EMP3: variants seen among roughly 807,000 people sequenced by gnomAD.
EMP3 encodes the protein epithelial membrane protein 3 (MAM blood group).
In EMP3, 15 loss-of-function variants were observed where a neutral mutation model predicts 21.6. The observed-to-expected ratio is 0.69, with a 90% confidence interval of 0.46 to 1.07. EMP3 has a LOEUF of 1.07. EMP3 is among the 50% of genes least tolerant of loss of function. The pLI is 0.00. For synonymous variants in EMP3, 107 were observed against 86.1 expected, an observed-to-expected ratio of 1.24 and a Z score of -1.34; for missense variants, 183 against 206.6, an observed-to-expected ratio of 0.89 and a Z score of 0.70.
rs1172724056 is a variant in EMP3 at position 48,329,498 on chromosome 19, C to G, written c.322+6C>G. The G allele has an allele frequency of 6.2e-7, 1 of 1,614,022 alleles. No individual in the cohort carries two copies. ...CCTCTGCCAGCTTTGCACCAGTGAG[C>G]ACTGCCCCTCCCCAACCCTAATCCC... On this transcript the variant is annotated splice_donor_region_variant and intron_variant, in intron 4 of 4. Coordinates refer to ENST00000270221, the MANE Select transcript of EMP3 (RefSeq NM_001425.3). This position sits in a 1 kb window ranked among gnomAD's most constrained non-coding sequence, Gnocchi z 4.5.
chr19:48,328,430 A>AAAAAAAAAT, intron 3 of EMP3, among the ~76,000 whole-genome samples: 1 of 151,486 alleles, frequency 6.6e-6, no homozygotes, highest in Non-Finnish European at 1.5e-5. Context: ...AAAAAAAAAA[A>AAAAAAAAAT]AAGAATAGAG....
chr19:48,329,994 C>T lies in EMP3; in HGVS notation c.323-307C>T, dbSNP rs1969180527. 6.6e-6 allele frequency among the ~76,000 whole-genome samples: 1 copy of T among 152,158 alleles called. No individual in the cohort carries two copies. On this transcript the variant is annotated intron_variant, in intron 4 of 4. Transcript: ENST00000270221. This position sits in a 1 kb window ranked among gnomAD's most constrained non-coding sequence, Gnocchi z 4.5. The stretch of plus-strand genomic sequence containing the variant: ...ACTTAATCACAGTCAGTTTGGGGAA[C>T]ATTATAGGTTCTTGCAAAGCTTCTC...
chr19:48,330,219 G>C (rs993147019), intron 4 of EMP3, 82 bp from the exon 5 acceptor site: 18 of 1,461,102 alleles, frequency 1.2e-5, no homozygotes, highest in Middle Eastern at 1.8e-4. Context: ...CGGGCCCTCC[G>C]GCGCTTCTTT....
Position 48,329,123 on chromosome 19 carries a change from G to A in EMP3, c.182-229G>A. ...GGCAACAGAGCAAGACCTGGTTTCA[G>A]AAAAAAAAGAAAAAGGAAATTGGCA... On this transcript the variant is annotated intron_variant, in intron 3 of 4. Transcript: ENST00000270221. This position sits in a 1 kb window ranked among gnomAD's most constrained non-coding sequence, Gnocchi z 4.5. 1.9e-6 allele frequency: 1 copy of A among 536,974 alleles called. No individual in the cohort carries two copies. 33.3% of individuals were successfully genotyped at this position (536,974 alleles called of 1,614,324 possible). A position where few individuals can be genotyped will look rare whatever the true frequency, so the allele number is the denominator to read the frequency against.
Position 48,330,281 on chromosome 19 carries a change from G to A in EMP3, c.323-20G>A, listed in dbSNP as rs755489195. On this transcript the variant is annotated intron_variant, in intron 4 of 4. Transcript: ENST00000270221. ...GTCTTGAGGGGGCACTGCATGACGT[G>A]TGGTTTTCATCTTCCGCAGGCGTGG... 45 of 1,566,418 alleles carry A rather than the reference G, an allele frequency of 2.9e-5. No individual in the cohort carries two copies. The Admixed American group carries it at 5.7e-4, about 20-fold the overall frequency.
At position 48,329,406 on chromosome 19, in the gene EMP3, T is replaced by G; in HGVS notation, c.236T>G (p.Leu79Arg). The G allele has an allele frequency of 6.2e-7, 1 of 1,613,922 alleles. No homozygotes were observed. The highest frequency in any genetic ancestry group is 8.5e-7 in the Non-Finnish European group (1 of 1,179,978). The part of the protein sequence containing the change: ...LMVLSLILCC[L>R]SFILFMFQLY... ...GTGCTCTCCCTCATTCTCTGCTGTC[T>G]CTCCTTCATCCTGTTCATGTTCCAG... Residue 79 changes from leucine to arginine, a missense_variant, in exon 4 of 5, where the codon CTC (leucine) becomes CGC (arginine). Leu to Arg is a moderately radical substitution (Grantham distance 102). Coordinates refer to ENST00000270221, the MANE Select transcript of EMP3 (RefSeq NM_001425.3). The surrounding 1 kb of genome is among the most constrained non-coding windows in gnomAD (Gnocchi z 4.5).
At position 48,326,744 on chromosome 19, in the gene EMP3, C is replaced by T; in HGVS notation, c.-15-86C>T. ...ACCTCAGGTGATCCTCCCGCCTCGG[C>T]CTCCCAAAGTGCTGGGGTTATAGGC... is the stretch of plus-strand genomic sequence containing the variant. On this transcript the variant is annotated intron_variant, in intron 1 of 4. Coordinates refer to ENST00000270221, the MANE Select transcript of EMP3 (RefSeq NM_001425.3). 2.7e-6 allele frequency: 3 copies of T among 1,120,762 alleles called. No individual in the cohort carries two copies. In the South Asian group the frequency reaches 3.7e-5, roughly 14 times the overall value. 69.4% of individuals were successfully genotyped at this position (1,120,762 alleles called of 1,614,324 possible). A position where few individuals can be genotyped will look rare whatever the true frequency, so the allele number is the denominator to read the frequency against.
intron 3 of EMP3, among the ~76,000 whole-genome samples, chr19:48,328,889 AGGAGGAAGG>A (rs1035015957): frequency 9.2e-5 from 14 of 152,310 alleles, no homozygotes; most frequent in African/African-American, 3.4e-4. Context: ...TGGGAGGCTG[AGGAGGAAGG>A]ATCACTTAAG....
intron 4 of EMP3, 85 bp from the exon 5 acceptor site, chr19:48,330,216 T>C (rs959950179): frequency 4.1e-6 from 6 of 1,462,058 alleles, no homozygotes; most frequent in Admixed American, 5.2e-5. Flanking sequence ...CCACGGGCCC[T>C]CCGGCGCTTC....
In EMP3 at chr19:48,329,412, T is replaced by C; in HGVS notation, c.242T>C (p.Phe81Ser). The change falls in exon 4 of 5, where the codon TTC (phenylalanine) becomes TCC (serine). Residue 81 changes from phenylalanine to serine, a missense_variant. Transcript: ENST00000270221. This position sits in a 1 kb window ranked among gnomAD's most constrained non-coding sequence, Gnocchi z 4.5. ...VLSLILCCLSFILFMFQLYTM... is the reference protein window; with the variant it reads ...VLSLILCCLSSILFMFQLYTM... ...TCCCTCATTCTCTGCTGTCTCTCCT[T>C]CATCCTGTTCATGTTCCAGCTCTAC... The C allele has an allele frequency of 6.2e-7, 1 of 1,612,344 alleles. No individual in the cohort carries two copies. Among genetic ancestry groups the C allele is most frequent in the Admixed American group, 1.7e-5 (1 of 59,880 alleles).
In EMP3 at chr19:48,329,733, C is replaced by CA. The variant is rs1969177956; in HGVS notation, c.322+242dup. Among the ~76,000 whole-genome samples, 1 of 152,244 alleles carries CA rather than the reference C, an allele frequency of 6.6e-6. No individual in the cohort carries two copies. The highest frequency in any genetic ancestry group is 1.9e-4 in the East Asian group (1 of 5,186). On this transcript the variant is annotated intron_variant, in intron 4 of 4. Coordinates refer to ENST00000270221, the MANE Select transcript of EMP3 (RefSeq NM_001425.3). This position sits in a 1 kb window ranked among gnomAD's most constrained non-coding sequence, Gnocchi z 4.5. The stretch of plus-strand genomic sequence containing the variant: ...TGTGCGTATGAGTCATCAGGGAACT[C>CA]AGAGTTTCAGGGAGCCGGGGCTGGG...
chr19:48,328,725 A>G (rs1251930310), intron 3 of EMP3, among the ~76,000 whole-genome samples: 1 of 152,250 alleles, frequency 6.6e-6, no homozygotes, highest in Non-Finnish European at 1.5e-5. Flanking sequence ...GGAGTAGCCA[A>G]TGCAAGAAGG....
At position 48,330,351 on chromosome 19, in the gene EMP3, A is replaced by G. The variant is rs4893; in HGVS notation, c.373A>G (p.Ile125Val). 0.036 allele frequency: 57,560 copies of G among 1,606,744 alleles called. 1,174 individuals are homozygous for G. Among genetic ancestry groups the G allele is most frequent in the Non-Finnish European group, 0.04 (47,541 of 1,176,924 alleles). Reference sequence around the variant, plus strand: ...GATCTATGCCATTCACGCCGAGGAGATCCTGGAGAAGCACCCGCGAGGGGG... The same window carrying G: ...GATCTATGCCATTCACGCCGAGGAGGTCCTGGAGAAGCACCCGCGAGGGGG... ...ALIYAIHAEE[I>V]LEKHPRGGSF... is the part of the protein sequence containing the mutation. Residue 125 changes from isoleucine (I) to valine (V), a missense_variant, in exon 5 of 5, where the codon ATC becomes GTC. Physicochemically the swap from Ile to Val is conservative, Grantham distance 29. Transcript: ENST00000270221.
chr19:48,330,227 T>A, intron 4 of EMP3, 74 bp from the exon 5 acceptor site: 3 of 1,469,358 alleles, frequency 2.0e-6, no homozygotes, highest in Non-Finnish European at 2.7e-6. Context: ...CCGGCGCTTC[T>A]TTGCCCCCAT....
rs1969167857 is a variant in EMP3 at position 48,329,196 on chromosome 19, C to T, written c.182-156C>T. The T allele has an allele frequency of 3.5e-6, 3 of 859,764 alleles. No homozygotes were observed. The highest frequency in any genetic ancestry group is 5.3e-6 in the Non-Finnish European group (3 of 566,134). The allele number at this position is 859,764 out of a possible 1,614,324, so 53.3% of individuals were successfully genotyped here. On this transcript the variant is annotated intron_variant, in intron 3 of 4. Coordinates refer to ENST00000270221, the MANE Select transcript of EMP3 (RefSeq NM_001425.3). The surrounding 1 kb of genome is among the most constrained non-coding windows in gnomAD (Gnocchi z 4.5). Reference sequence around the variant, plus strand: ...GGGAATATAGCAAGGTAACAGGGCTCAAGGTCAAAATAAGTGATACATCTA... The same window carrying T: ...GGGAATATAGCAAGGTAACAGGGCTTAAGGTCAAAATAAGTGATACATCTA...
At position 48,329,319 on chromosome 19, in the gene EMP3, G is replaced by A; in HGVS notation, c.182-33G>A. On this transcript the variant is annotated intron_variant, in intron 3 of 4. Coordinates refer to ENST00000270221, the MANE Select transcript of EMP3 (RefSeq NM_001425.3). This position sits in a 1 kb window ranked among gnomAD's most constrained non-coding sequence, Gnocchi z 4.5. ...GTGAAGCTGGAACTCTGGACCCACG[G>A]TGATGTCCCCCTCTGTGTCCTCCTT... 1 of 1,613,396 alleles carries A rather than the reference G, an allele frequency of 6.2e-7. No homozygotes were observed. Among genetic ancestry groups the A allele is most frequent in the Non-Finnish European group, 8.5e-7 (1 of 1,179,616 alleles).
At position 48,328,665 on chromosome 19, in the gene EMP3, AAG is replaced by A. The variant is rs1969163172; in HGVS notation, c.182-685_182-684del. ...TGTGTGAAAGATTTAATGCAAAACT[AAG>A]ATTAAAGGAAGTGGTCTGCTCTCAC... On this transcript the variant is annotated intron_variant, in intron 3 of 4. Coordinates refer to ENST00000270221, the MANE Select transcript of EMP3 (RefSeq NM_001425.3). 2.0e-5 allele frequency among the ~76,000 whole-genome samples: 3 copies of A among 152,216 alleles called. No homozygotes were observed. The South Asian group carries it at 6.2e-4, about 32-fold the overall frequency.
At chr19:48,325,688 C>T (rs773645295) in intron 1 of EMP3, 78 bp downstream of exon 1, 6 of 152,222 alleles carry the variant, frequency 3.9e-5, no homozygotes, top group Non-Finnish European at 7.3e-5. Flanking sequence ...AGGACACCCC[C>T]AGGCTGGGAG....
At chr19:48,327,464 C>A (rs999351914) in intron 2 of EMP3, 57 bp from the exon 3 acceptor site, 5 of 1,329,526 alleles carry the variant, frequency 3.8e-6, no homozygotes, top group Non-Finnish European at 4.3e-6. Context: ...GTCTGCCTGA[C>A]CCTATCCCCT....
Sources: gnomAD v4.1 joint callset for allele counts (sites outside exome capture counted in the v4.1 genomes callset) on GRCh38, gnomAD v4.1.1 for gene constraint, Gnocchi (gnomAD v3.1) non-coding constraint, MANE v1.5 for transcripts, NCBI Gene and HGNC (gene_info 2026-07-23, HGNC 2026-07-21) for gene names.